The following CDH13 variants were observed in gnomAD, a reference collection of about 807,000 sequenced individuals.
The protein encoded by CDH13 is cadherin 13.
CDH13 carries 24 observed loss-of-function variants against 63.8 expected under a neutral mutation model. The observed-to-expected ratio is 0.38, with a 90% confidence interval of 0.27 to 0.53. The LOEUF (loss-of-function observed/expected upper bound fraction) is 0.53, where lower values mean the gene tolerates loss of function less well. Among genes scored for constraint, CDH13 ranks in the 20% least tolerant of loss-of-function variants. The pLI is 0.85. For synonymous variants in CDH13, 503 were observed against 355.3 expected (o/e 1.42, Z -4.67); for missense variants, 1,049 against 903.1 (o/e 1.16, Z -2.07).
At chr16:83,014,783 T>C (rs1914561576) in intron 2 of CDH13, among the ~76,000 whole-genome samples, 2 of 94,804 alleles carry the variant, frequency 2.1e-5, no homozygotes, top group Non-Finnish European at 4.5e-5. Flanking sequence ...TATGTATATA[T>C]ATATATTTGT....
intron 1 of CDH13, among the ~76,000 whole-genome samples, chr16:82,683,277 C>T (rs575686501): frequency 6.6e-6 from 1 of 152,146 alleles, no homozygotes; most frequent in Non-Finnish European, 1.5e-5. Flanking sequence ...AGGAACCTAG[C>T]CTTCTGGTCT....
chr16:83,421,075 G>A (rs1464642282), intron 6 of CDH13, among the ~76,000 whole-genome samples: 1 of 152,136 alleles, frequency 6.6e-6, no homozygotes, highest in Non-Finnish European at 1.5e-5. Flanking sequence ...AAGTGGATAA[G>A]ATTAATAAGG....
At chr16:83,386,443 G>A (rs1231174794) in intron 6 of CDH13, among the ~76,000 whole-genome samples, 1 of 152,142 alleles carries the variant, frequency 6.6e-6, no homozygotes, top group Non-Finnish European at 1.5e-5. Flanking sequence ...TGCCTTAAAT[G>A]GAAGCAACTA....
In CDH13 at chr16:83,047,253, A is replaced by AT. The variant is rs36053087; in HGVS notation, c.366+15042dup. ...GGCCTGTGTATTTATTTATTTATTT[A>AT]TTTTTTTGGTAAAGGCCTCTGCTGT... On this transcript the variant is annotated intron_variant, in intron 3 of 13. Transcript: ENST00000567109. The surrounding 1 kb of genome is among the most constrained non-coding windows in gnomAD (Gnocchi z 4.9). 6.3e-4 allele frequency among the ~76,000 whole-genome samples: 96 copies of AT among 152,042 alleles called. 1 individual carries two copies. The highest frequency in any genetic ancestry group is 1.5e-3 in the South Asian group (7 of 4,806).
chr16:83,085,509 G>A (rs7204942), intron 3 of CDH13, among the ~76,000 whole-genome samples: 87,564 of 152,024 alleles, frequency 0.58, 25,622 homozygotes, highest in East Asian at 0.68. Context: ...AGCCAGCCAT[G>A]CTTGTCCTCT....
At chr16:82,872,849 T>A (rs957976962) in intron 2 of CDH13, among the ~76,000 whole-genome samples, 1 of 152,198 alleles carries the variant, frequency 6.6e-6, no homozygotes, top group East Asian at 1.9e-4. Context: ...GATCACCTAG[T>A]TTTTGCCAGA....
chr16:82,974,484 A>G (rs1419083509), intron 2 of CDH13, among the ~76,000 whole-genome samples: 2 of 152,208 alleles, frequency 1.3e-5, no homozygotes, highest in African/African-American at 2.4e-5. Context: ...TCTGGATCAC[A>G]GGTATGACAG....
At chr16:83,769,443 A>T (rs1914615695) in intron 11 of CDH13, among the ~76,000 whole-genome samples, 1 of 152,158 alleles carries the variant, frequency 6.6e-6, no homozygotes, top group Non-Finnish European at 1.5e-5. Context: ...GGTACAAGAA[A>T]AGTGAATTTA....
intron 6 of CDH13, among the ~76,000 whole-genome samples, chr16:83,393,840 A>G (rs1447420299): frequency 1.3e-5 from 2 of 152,190 alleles, no homozygotes; most frequent in South Asian, 2.1e-4. Context: ...GACACACAGT[A>G]AACATAGAAT....
intron 4 of CDH13, among the ~76,000 whole-genome samples, chr16:83,131,363 G>C (rs1038132913): frequency 6.6e-6 from 1 of 152,152 alleles, no homozygotes; most frequent in African/African-American, 2.4e-5. Flanking sequence ...GAACATACTT[G>C]CTCATACCTG....
intron 7 of CDH13, among the ~76,000 whole-genome samples, chr16:83,534,145 C>T (rs950288169): frequency 6.6e-6 from 1 of 152,142 alleles, no homozygotes; most frequent in Non-Finnish European, 1.5e-5. Flanking sequence ...CCCCCATGCC[C>T]TTTGTAATCA....
intron 4 of CDH13, among the ~76,000 whole-genome samples, chr16:83,198,663 T>A (rs954423199): frequency 3.9e-5 from 6 of 152,198 alleles, no homozygotes; most frequent in Non-Finnish European, 8.8e-5. Flanking sequence ...GATGCACACA[T>A]AATTTCAGGA....
intron 5 of CDH13, among the ~76,000 whole-genome samples, chr16:83,291,143 A>G (rs1597676865): frequency 6.6e-6 from 1 of 152,198 alleles, no homozygotes; most frequent in Non-Finnish European, 1.5e-5. Flanking sequence ...TGCATCCTTC[A>G]TGCTGATTAT....
intron 1 of CDH13, among the ~76,000 whole-genome samples, chr16:82,843,322 C>T (rs2039112331): frequency 6.6e-6 from 1 of 152,164 alleles, no homozygotes; most frequent in South Asian, 2.1e-4. Flanking sequence ...ATCCAATTGG[C>T]ATTCAGTGAG....
chr16:82,948,824 T>A (rs1905007416), intron 2 of CDH13, among the ~76,000 whole-genome samples: 1 of 152,178 alleles, frequency 6.6e-6, no homozygotes, highest in Non-Finnish European at 1.5e-5. Context: ...TGTTCAAATA[T>A]GATTGTAGAG....
intron 2 of CDH13, among the ~76,000 whole-genome samples, chr16:82,963,249 G>A (rs997343295): frequency 7.2e-5 from 11 of 151,806 alleles, no homozygotes; most frequent in Non-Finnish European, 1.5e-5. Flanking sequence ...TGTGGTGGTG[G>A]GCACCTGTAA....
At chr16:83,055,332 C>A (rs72796218) in intron 3 of CDH13, among the ~76,000 whole-genome samples, 15,716 of 151,148 alleles carry the variant, frequency 0.1, 1,199 homozygotes, top group East Asian at 0.27. Context: ...AAAGTTTGTT[C>A]TTTGAAAGTT....
intron 7 of CDH13, among the ~76,000 whole-genome samples, chr16:83,599,031 T>C (rs8051342): frequency 0.18 from 26,868 of 152,180 alleles, 2,477 homozygotes; most frequent in Middle Eastern, 0.29. Flanking sequence ...TGACCATCCC[T>C]AGATCAGGAG....
At chr16:83,209,593 C>T (rs1448972110) in intron 4 of CDH13, among the ~76,000 whole-genome samples, 3 of 152,028 alleles carry the variant, frequency 2.0e-5, no homozygotes, top group Non-Finnish European at 4.4e-5. Flanking sequence ...ATTTTATAAT[C>T]ATATAAAAAC....
Sources: gnomAD v4.1 joint callset for allele counts (sites outside exome capture counted in the v4.1 genomes callset) on GRCh38, gnomAD v4.1.1 for gene constraint, Gnocchi (gnomAD v3.1) non-coding constraint, MANE v1.5 for transcripts, NCBI Gene and HGNC (gene_info 2026-07-23, HGNC 2026-07-21) for gene names.